Variants in COG5 observed in about 807,000 individuals in gnomAD.
COG5 encodes component of oligomeric golgi complex 5.
COG5 carries 86 observed loss-of-function variants against 110.4 expected under a neutral mutation model. The ratio of observed to expected loss-of-function variants is 0.78; its 90% CI spans 0.65 to 0.93. The LOEUF (loss-of-function observed/expected upper bound fraction) is 0.93, where lower values mean the gene tolerates loss of function less well. Ranked by LOEUF, COG5 falls within the 40% of genes least tolerant of loss-of-function variation. The pLI is 0.00. For missense variants in COG5, 1,077 were observed against 987.0 expected (o/e 1.09, Z -1.22); for synonymous variants, 360 against 334.6 (o/e 1.08, Z -0.83).
chr7:107,463,546 T>A (rs1027674792), intron 6 of COG5, among the ~76,000 whole-genome samples: 5 of 152,190 alleles, frequency 3.3e-5, no homozygotes, highest in African/African-American at 1.2e-4. Flanking sequence ...AAATTATCAA[T>A]ACTAATTATA....
intron 10 of COG5, among the ~76,000 whole-genome samples, chr7:107,338,150 A>AC (rs1267295931): frequency 6.6e-6 from 1 of 152,178 alleles, no homozygotes; most frequent in East Asian, 1.9e-4. Flanking sequence ...ATAAGAAAAA[A>AC]AAATCCTAAA....
intron 12 of COG5, among the ~76,000 whole-genome samples, chr7:107,289,495 T>C (rs1805980649): frequency 6.6e-6 from 1 of 152,158 alleles, no homozygotes; most frequent in Admixed American, 6.5e-5. Flanking sequence ...TTGAAATTCC[T>C]TATGAATTTT....
intron 6 of COG5, among the ~76,000 whole-genome samples, chr7:107,502,538 G>A (rs962721192): frequency 6.6e-6 from 1 of 152,070 alleles, no homozygotes; most frequent in African/African-American, 2.4e-5. Context: ...TAGATACCCA[G>A]TAGTGGGATT....
chr7:107,282,354 A>C (rs550501849), intron 13 of COG5, among the ~76,000 whole-genome samples: 4 of 152,314 alleles, frequency 2.6e-5, no homozygotes, highest in African/African-American at 9.6e-5. Flanking sequence ...ATTCCTCTTT[A>C]ACATTTACAT....
At chr7:107,241,923 C>T (rs757254771) in intron 17 of COG5, among the ~76,000 whole-genome samples, 7 of 152,024 alleles carry the variant, frequency 4.6e-5, no homozygotes, top group African/African-American at 9.7e-5. Flanking sequence ...CTGGAACTAC[C>T]GATGCACACC....
At chr7:107,542,920 C>T (rs1802142074) in intron 5 of COG5, among the ~76,000 whole-genome samples, 1 of 149,216 alleles carries the variant, frequency 6.7e-6, no homozygotes, top group Admixed American at 6.7e-5. Context: ...TGCAGTGAGC[C>T]AAGATCGCTC....
chr7:107,476,371 C>A (rs1417990393), intron 6 of COG5, among the ~76,000 whole-genome samples: 5 of 150,798 alleles, frequency 3.3e-5, no homozygotes, highest in African/African-American at 1.2e-4. Flanking sequence ...ATACATACAA[C>A]TTTAGGGTAA....
At chr7:107,240,336 C>G (rs1379038415) in intron 17 of COG5, among the ~76,000 whole-genome samples, 1 of 152,140 alleles carries the variant, frequency 6.6e-6, no homozygotes, top group Admixed American at 6.5e-5. Context: ...CTGACTCAGC[C>G]TCCCCAGTAG....
At chr7:107,481,020 G>A (rs996508781) in intron 6 of COG5, 2 of 152,028 alleles carry the variant, frequency 1.3e-5, no homozygotes, top group Non-Finnish European at 2.9e-5. Flanking sequence ...TTTCAAATAT[G>A]ACAGCTTTGT....
At chr7:107,359,254 G>A (rs1231939219) in intron 10 of COG5, among the ~76,000 whole-genome samples, 1 of 152,226 alleles carries the variant, frequency 6.6e-6, no homozygotes, top group Admixed American at 6.5e-5. Context: ...TGATTTCACA[G>A]CACAACTGAG....
chr7:107,457,362 G>GGAA (rs1563046256), intron 6 of COG5, among the ~76,000 whole-genome samples: 2 of 64,656 alleles, frequency 3.1e-5, no homozygotes. Context: ...GCTATGAGGA[G>GGAA]AAAAAAAAAA....
intron 17 of COG5, among the ~76,000 whole-genome samples, chr7:107,243,715 C>G (rs1801833259): frequency 6.7e-6 from 1 of 148,494 alleles, no homozygotes; most frequent in East Asian, 2.0e-4. Context: ...CAACAGAATA[C>G]ACATTCTTCT....
intron 6 of COG5, among the ~76,000 whole-genome samples, chr7:107,457,236 A>G (rs925503495): frequency 5.9e-5 from 9 of 152,176 alleles, no homozygotes; most frequent in Admixed American, 5.9e-4. Flanking sequence ...GAAAAACACA[A>G]TATTTGAACT....
At chr7:107,361,099 A>G (rs1313632266) in intron 10 of COG5, among the ~76,000 whole-genome samples, 2 of 152,228 alleles carry the variant, frequency 1.3e-5, no homozygotes, top group Non-Finnish European at 2.9e-5. Flanking sequence ...TACCTATACC[A>G]TAACACTAGA....
chr7:107,331,510 G>A (rs1810244011), intron 10 of COG5, among the ~76,000 whole-genome samples: 2 of 151,922 alleles, frequency 1.3e-5, no homozygotes, highest in Admixed American at 1.3e-4. Flanking sequence ...TAATGTGGAA[G>A]ATGAATAGTG....
intron 8 of COG5, among the ~76,000 whole-genome samples, chr7:107,364,936 C>T (rs1177354966): frequency 2.0e-5 from 3 of 151,922 alleles, no homozygotes; most frequent in African/African-American, 7.3e-5. Flanking sequence ...GGAAGGTATA[C>T]AGGAAATGGA....
chr7:107,294,631 A>C (rs1806442666), intron 12 of COG5, among the ~76,000 whole-genome samples: 1 of 151,444 alleles, frequency 6.6e-6, no homozygotes, highest in Non-Finnish European at 1.5e-5. Flanking sequence ...TCCAATCTTA[A>C]ACACTTCCCT....
intron 6 of COG5, among the ~76,000 whole-genome samples, chr7:107,512,316 A>T (rs912928951): frequency 1.3e-5 from 2 of 152,342 alleles, no homozygotes; most frequent in African/African-American, 4.8e-5. Context: ...AGAGAATAAA[A>T]TACCTAGGAA....
chr7:107,218,246 GAATT>G (rs1310195405), intron 19 of COG5, among the ~76,000 whole-genome samples: 1 of 152,058 alleles, frequency 6.6e-6, no homozygotes. Context: ...CGGACTTGAA[GAATT>G]AATATTGTTA....
Sources: allele counts gnomAD v4.1 joint callset (sites outside exome capture counted in the v4.1 genomes callset), GRCh38; gene constraint gnomAD v4.1.1; transcripts MANE v1.5; gene names NCBI Gene and HGNC (gene_info 2026-07-23, HGNC 2026-07-21).